ZFPM2: variants seen among roughly 807,000 people sequenced by gnomAD.
ZFPM2 encodes zinc finger protein ZFPM2.
Under a neutral mutation model 98.6 loss-of-function variants are expected in ZFPM2, and 20 were observed. That is an observed-to-expected ratio of 0.20 (90% CI 0.14 to 0.29). ZFPM2 has a LOEUF of 0.29. Among genes scored for constraint, ZFPM2 ranks in the 10% least tolerant of loss-of-function variants. The pLI is 1.00. For synonymous variants in ZFPM2, 518 were observed against 502.7 expected, an observed-to-expected ratio of 1.03 and a Z score of -0.41; for missense variants, 1,310 against 1,388.6, an observed-to-expected ratio of 0.94 and a Z score of 0.90.
At chr8:105,694,208 A>G (rs181458002) in intron 5 of ZFPM2, among the ~76,000 whole-genome samples, 312 of 151,776 alleles carry the variant, frequency 2.1e-3, no homozygotes, top group Admixed American at 4.2e-3. Flanking sequence ...GGATGGTCTC[A>G]ATCTCCTGAC....
chr8:105,514,046 A>G (rs1813868271), intron 3 of ZFPM2, among the ~76,000 whole-genome samples: 1 of 146,636 alleles, frequency 6.8e-6, no homozygotes, highest in African/African-American at 2.6e-5. Flanking sequence ...TTTATGGCCC[A>G]GGATGGAGTG....
chr8:105,766,582 A>G (rs1243401557), intron 5 of ZFPM2, among the ~76,000 whole-genome samples: 2 of 151,880 alleles, frequency 1.3e-5, no homozygotes, highest in Admixed American at 6.6e-5. Flanking sequence ...GTCCGAACTT[A>G]AGGTCACTAG....
intron 3 of ZFPM2, among the ~76,000 whole-genome samples, chr8:105,501,477 G>A (rs112197407): frequency 3.0e-4 from 46 of 150,866 alleles, no homozygotes; most frequent in African/African-American, 1.1e-3. Flanking sequence ...GAGCCACTGC[G>A]CCCAGCTCAA....
At chr8:105,680,186 TTGTC>T (rs1342958074) in intron 5 of ZFPM2, among the ~76,000 whole-genome samples, 1 of 152,168 alleles carries the variant, frequency 6.6e-6, no homozygotes, top group Non-Finnish European at 1.5e-5. Flanking sequence ...GAATACTACA[TTGTC>T]TGTTGTGGAC....
At chr8:105,547,917 T>G (rs139228871) in intron 3 of ZFPM2, among the ~76,000 whole-genome samples, 118 of 152,306 alleles carry the variant, frequency 7.7e-4, no homozygotes, top group African/African-American at 2.7e-3. Flanking sequence ...TAATAACTTT[T>G]TGGCTATGTA....
intron 3 of ZFPM2, among the ~76,000 whole-genome samples, chr8:105,549,375 G>A (rs774375754): frequency 2.7e-4 from 41 of 152,190 alleles, no homozygotes; most frequent in Non-Finnish European, 5.4e-4. Context: ...CAGTAGCTAT[G>A]TACAATTTTG....
chr8:105,539,661 C>T (rs1814535082), intron 3 of ZFPM2, among the ~76,000 whole-genome samples: 2 of 152,056 alleles, frequency 1.3e-5, no homozygotes, highest in Admixed American at 6.6e-5. Flanking sequence ...GAGGAAAGAA[C>T]CTTGGATTTA....
intron 5 of ZFPM2, among the ~76,000 whole-genome samples, chr8:105,634,935 C>A (rs1428551564): frequency 6.6e-6 from 1 of 152,162 alleles, no homozygotes; most frequent in Non-Finnish European, 1.5e-5. Context: ...GTGACATCAA[C>A]CCAGACTGTG....
chr8:105,795,246 T>TTGTGTG (rs780534248), intron 6 of ZFPM2, among the ~76,000 whole-genome samples: 6,131 of 138,232 alleles, frequency 0.044, 285 homozygotes, highest in African/African-American at 0.11. Context: ...CATTTTATCT[T>TTGTGTG]TGTGTGTGTG....
At chr8:105,604,468 T>C (rs974534055) in intron 4 of ZFPM2, among the ~76,000 whole-genome samples, 7 of 152,096 alleles carry the variant, frequency 4.6e-5, no homozygotes, top group African/African-American at 1.7e-4. Flanking sequence ...CCCAAGACCA[T>C]GCAATGGCTT....
At chr8:105,654,190 C>T (rs1221969241) in intron 5 of ZFPM2, among the ~76,000 whole-genome samples, 7 of 149,560 alleles carry the variant, frequency 4.7e-5, no homozygotes, top group African/African-American at 1.5e-4. Flanking sequence ...ATCCTTCCTG[C>T]GAAGTAAAAG....
chr8:105,692,409 T>C (rs1189887659), intron 5 of ZFPM2, among the ~76,000 whole-genome samples: 2 of 152,222 alleles, frequency 1.3e-5, no homozygotes, highest in African/African-American at 4.8e-5. Flanking sequence ...ATTTTGCTTA[T>C]GGATGTGCAA....
chr8:105,762,418 G>C (rs1163174783), intron 5 of ZFPM2, among the ~76,000 whole-genome samples: 2 of 151,846 alleles, frequency 1.3e-5, no homozygotes, highest in Non-Finnish European at 2.9e-5. Context: ...CAGCCACCAA[G>C]GGTCCTGATT....
chr8:105,598,184 C>T (rs1816013558), intron 4 of ZFPM2, among the ~76,000 whole-genome samples: 1 of 150,796 alleles, frequency 6.6e-6, no homozygotes, highest in African/African-American at 2.4e-5. Flanking sequence ...TCCCATGAGA[C>T]CTGCTCCTTG....
chr8:105,440,401 G>A (rs904744796), intron 2 of ZFPM2, among the ~76,000 whole-genome samples: 1 of 151,838 alleles, frequency 6.6e-6, no homozygotes, highest in Non-Finnish European at 1.5e-5. Context: ...ATTAAAAAGT[G>A]AGTCAATTTA....
chr8:105,331,138 G>A (rs996034691), intron 1 of ZFPM2, among the ~76,000 whole-genome samples: 5 of 144,278 alleles, frequency 3.5e-5, no homozygotes, highest in African/African-American at 1.3e-4. Context: ...TTTGAACTGG[G>A]TATATATTAT....
intron 5 of ZFPM2, among the ~76,000 whole-genome samples, chr8:105,725,729 G>T (rs541037595): frequency 5.3e-5 from 8 of 151,778 alleles, no homozygotes; most frequent in African/African-American, 1.7e-4. Context: ...TGTGTATGCT[G>T]CTATAAGAGG....
intron 4 of ZFPM2, among the ~76,000 whole-genome samples, chr8:105,583,927 T>G (rs1815656398): frequency 6.6e-6 from 1 of 152,204 alleles, no homozygotes; most frequent in African/African-American, 2.4e-5. Flanking sequence ...TCATAAGACC[T>G]GTAAGAAAAG....
chr8:105,642,576 C>G (rs34496247), intron 5 of ZFPM2, among the ~76,000 whole-genome samples: 11,970 of 152,188 alleles, frequency 0.079, 546 homozygotes, highest in Middle Eastern at 0.23. Flanking sequence ...GATATAATTA[C>G]TTTTCTTTAG....
Sources: gnomAD v4.1 joint callset for allele counts (sites outside exome capture counted in the v4.1 genomes callset) on GRCh38, gnomAD v4.1.1 for gene constraint, MANE v1.5 for transcripts, NCBI Gene and HGNC (gene_info 2026-07-23, HGNC 2026-07-21) for gene names.